Variants in DLC1 observed in about 807,000 individuals in gnomAD.
The protein encoded by DLC1 is DLC1 Rho GTPase activating protein.
DLC1 carries 54 observed loss-of-function variants against 140.3 expected under a neutral mutation model. The ratio of observed to expected loss-of-function variants is 0.38; its 90% CI spans 0.31 to 0.48. The LOEUF is 0.48. Among genes scored for constraint, DLC1 ranks in the 20% least tolerant of loss-of-function variants. The pLI, the probability that DLC1 is intolerant of heterozygous loss-of-function variation, is 0.96. For synonymous variants in DLC1, 986 were observed against 728.1 expected (o/e 1.35, Z -5.70); for missense variants, 2,536 against 1,907.0 (o/e 1.33, Z -6.14).
chr8:13,358,988 G>C (rs571903063), intron 4 of DLC1, among the ~76,000 whole-genome samples: 1 of 114,902 alleles, frequency 8.7e-6, no homozygotes, highest in East Asian at 5.8e-4. Context: ...GCCCACGCTG[G>C]AGTGCAGTGG....
chr8:13,234,596 G>A (rs1829197058), intron 5 of DLC1, among the ~76,000 whole-genome samples: 1 of 151,916 alleles, frequency 6.6e-6, no homozygotes, highest in South Asian at 2.1e-4. Context: ...AGGGAATCTA[G>A]CCAGGGCAAC....
intron 2 of DLC1, among the ~76,000 whole-genome samples, chr8:13,494,617 A>G (rs1320746415): frequency 1.3e-5 from 2 of 152,160 alleles, no homozygotes; most frequent in African/African-American, 4.8e-5. Context: ...AACCACTATT[A>G]TGCTTTCTGA....
intron 1 of DLC1, among the ~76,000 whole-genome samples, chr8:13,541,952 C>G (rs1322318859): frequency 6.6e-6 from 1 of 152,198 alleles, no homozygotes; most frequent in Non-Finnish European, 1.5e-5. Flanking sequence ...TCTTACAACT[C>G]ACTGGATATA....
rs529804587 is a variant in DLC1 at position 13,320,852 on chromosome 8, A to C, written c.1315-15550T>G. ...TAACAGAGACAGACACCATCTCTAC[A>C]AACAAATTAATCAATTTTTGAAAAA... is the stretch of plus-strand genomic sequence containing the variant. On this transcript the variant is annotated intron_variant, in intron 4 of 17. Transcript: ENST00000276297. Among the ~76,000 whole-genome samples, 5 of 152,306 alleles carry C rather than the reference A, an allele frequency of 3.3e-5. No homozygotes were observed. In the South Asian group the frequency reaches 8.3e-4, roughly 25 times the overall value.
At chr8:13,373,664 A>G (rs1369443082) in intron 4 of DLC1, among the ~76,000 whole-genome samples, 1 of 152,220 alleles carries the variant, frequency 6.6e-6, no homozygotes, top group East Asian at 1.9e-4. Flanking sequence ...AAGTACATCT[A>G]CTATATAAAT....
intron 1 of DLC1, chr8:13,558,580 G>A (rs1383575533): frequency 6.6e-6 from 1 of 151,958 alleles, no homozygotes; most frequent in African/African-American, 2.4e-5. Flanking sequence ...TTGTTCTTTA[G>A]GTCACTTTCT....
intron 2 of DLC1, among the ~76,000 whole-genome samples, chr8:13,404,292 T>C (rs1837428159): frequency 6.6e-6 from 1 of 152,080 alleles, no homozygotes; most frequent in Non-Finnish European, 1.5e-5. Context: ...TGGATTTCCG[T>C]GGTGTAAATA....
rs138116349 is a variant in DLC1, at chr8:13,208,634, A to G, written c.1349-92977T>C. Among the ~76,000 whole-genome samples the G allele has an allele frequency of 5.1e-3, 778 of 152,164 alleles. 7 individuals carry two copies. The highest frequency in any genetic ancestry group is 0.018 in the African/African-American group (728 of 41,552). On this transcript the variant is annotated intron_variant, in intron 5 of 17. Transcript: ENST00000276297. The stretch of plus-strand genomic sequence containing the variant: ...CAATGCCCAGAATTTCAGATCAAGT[A>G]TGAGTCATGACTTTGGAACCGTGGC...
intron 1 of DLC1, among the ~76,000 whole-genome samples, chr8:13,588,346 G>A (rs1250988166): frequency 6.6e-6 from 1 of 152,094 alleles, no homozygotes. Context: ...AGGTTTGTCA[G>A]AATGAGGAGG....
At chr8:13,583,087 G>T (rs7817022) in intron 1 of DLC1, among the ~76,000 whole-genome samples, 3 of 151,346 alleles carry the variant, frequency 2.0e-5, no homozygotes, top group African/African-American at 7.3e-5. Flanking sequence ...GGTGGTGGCC[G>T]AAAGTTGAGG....
At chr8:13,188,535 G>A (rs1458768775) in intron 5 of DLC1, among the ~76,000 whole-genome samples, 1 of 149,036 alleles carries the variant, frequency 6.7e-6, no homozygotes, top group Non-Finnish European at 1.5e-5. Context: ...GATTTCTTAG[G>A]CTGGATGGTG....
chr8:13,269,100 C>T (rs914779454), intron 5 of DLC1, among the ~76,000 whole-genome samples: 5 of 151,836 alleles, frequency 3.3e-5, no homozygotes, highest in African/African-American at 2.4e-5. Context: ...GTCTCAATCT[C>T]CTGACCTCGT....
At chr8:13,366,750 C>G (rs970858476) in intron 4 of DLC1, among the ~76,000 whole-genome samples, 1 of 152,160 alleles carries the variant, frequency 6.6e-6, no homozygotes, top group Admixed American at 6.5e-5. Context: ...TGCTCATCCT[C>G]AGACACAGGA....
chr8:13,595,955 A>G lies in DLC1; in HGVS notation c.-126+8582T>C, dbSNP rs528243971. On this transcript the variant is annotated intron_variant, in intron 1 of 1. Transcript: ENST00000631382. ...ACAAAAGCAATCTATACAAAATAACATATTAGGAAATCTCCTCCTTTCATA... is the reference window on the plus strand; with the variant it reads ...ACAAAAGCAATCTATACAAAATAACGTATTAGGAAATCTCCTCCTTTCATA... 8.6e-4 allele frequency among the ~76,000 whole-genome samples: 131 copies of G among 152,112 alleles called. 2 individuals carry two copies. In the South Asian group the frequency reaches 0.013, roughly 16 times the overall value.
rs550292616 is a variant in DLC1, at chr8:13,181,433, C to T, written c.1349-65776G>A. 3.3e-5 allele frequency among the ~76,000 whole-genome samples: 5 copies of T among 151,340 alleles called. No homozygotes were observed. The South Asian group carries it at 1.0e-3, about 32-fold the overall frequency. On this transcript the variant is annotated intron_variant, in intron 5 of 17. Coordinates refer to ENST00000276297, the MANE Select transcript of DLC1 (RefSeq NM_182643.3). ...ACATGGGCCATGTTGCTTTGCTGCA[C>T]CCATCAACTCGTCATTTATATTAGG... is the stretch of plus-strand genomic sequence containing the variant.
intron 5 of DLC1, among the ~76,000 whole-genome samples, chr8:13,152,824 G>GAAAAAAAAAA (rs773483544): frequency 0.012 from 1,116 of 91,298 alleles, 61 homozygotes; most frequent in African/African-American, 0.03. Flanking sequence ...CTCTGGGGAA[G>GAAAAAAAAAA]AAAAAAAAAA....
At chr8:13,251,360 C>A (rs1464033502) in intron 5 of DLC1, among the ~76,000 whole-genome samples, 1 of 152,100 alleles carries the variant, frequency 6.6e-6, no homozygotes, top group Admixed American at 6.5e-5. Context: ...TTGTTTTTCT[C>A]ATTTTGCTGC....
intron 1 of DLC1, among the ~76,000 whole-genome samples, chr8:13,527,790 G>T (rs1465350849): frequency 6.6e-6 from 1 of 152,096 alleles, no homozygotes; most frequent in African/African-American, 2.4e-5. Context: ...GTATGAAACA[G>T]CATCTATTAT....
intron 2 of DLC1, among the ~76,000 whole-genome samples, chr8:13,472,237 T>C (rs117779851): frequency 0.023 from 3,569 of 152,276 alleles, 63 homozygotes; most frequent in Middle Eastern, 0.041. Context: ...AATCTGAGTC[T>C]CCTTCCAGAA....
Sources: gnomAD v4.1 joint callset for allele counts (sites outside exome capture counted in the v4.1 genomes callset) on GRCh38, gnomAD v4.1.1 for gene constraint, MANE v1.5 for transcripts, NCBI Gene and HGNC (gene_info 2026-07-23, HGNC 2026-07-21) for gene names.